The following PCSK6 variants were observed in gnomAD, a reference collection of about 807,000 sequenced individuals.
The protein encoded by PCSK6 is paired basic amino acid cleaving enzyme 4.
A neutral mutation model predicts 123.3 loss-of-function variants in PCSK6; 85 were observed. That is an observed-to-expected ratio of 0.69 (90% confidence interval 0.58 to 0.83). The LOEUF is 0.83. Among genes scored for constraint, PCSK6 ranks in the 40% least tolerant of loss-of-function variants. PCSK6 has a pLI of 0.00. For missense variants in PCSK6, 1,191 were observed against 1,282.3 expected (o/e 0.93, Z 1.09); for synonymous variants, 508 against 516.0 (o/e 0.98, Z 0.21).
chr15:101,376,324 A>G (rs2041741334), intron 11 of PCSK6, among the ~76,000 whole-genome samples: 2 of 152,166 alleles, frequency 1.3e-5, no homozygotes, highest in Non-Finnish European at 2.9e-5. Flanking sequence ...AACACTGTCT[A>G]GTGTCAAACA....
chr15:101,350,691 G>A lies in PCSK6; in HGVS notation c.1858+15505C>T, dbSNP rs138077250. On this transcript the variant is annotated intron_variant, in intron 13 of 21. Coordinates refer to ENST00000611716, the MANE Select transcript of PCSK6 (RefSeq NM_002570.5). ...CGACGTATATTCCTGGGGAGGACTG[G>A]AGAGTGGCTGGCCCCCGCAAGCATA... 4.8e-3 allele frequency among the ~76,000 whole-genome samples: 734 copies of A among 152,332 alleles called. 5 individuals are homozygous for A. The highest frequency in any genetic ancestry group is 0.027 in the Middle Eastern group (8 of 294).
intron 2 of PCSK6, among the ~76,000 whole-genome samples, chr15:101,433,823 A>G (rs10468193): frequency 0.013 from 1,944 of 152,318 alleles, 50 homozygotes; most frequent in African/African-American, 0.045. Flanking sequence ...ACACAGCTCA[A>G]ATTTAGGGCT....
At chr15:101,470,519 T>C (rs1170461220) in intron 1 of PCSK6, among the ~76,000 whole-genome samples, 2 of 152,236 alleles carry the variant, frequency 1.3e-5, no homozygotes, top group African/African-American at 4.8e-5. Context: ...TTTTACCATT[T>C]TTCCCTATTT....
At chr15:101,347,653 T>C (rs749038891) in intron 13 of PCSK6, 2 of 1,584,650 alleles carry the variant, frequency 1.3e-6, no homozygotes, top group Non-Finnish European at 1.7e-6. Flanking sequence ...AGCTCTGGAC[T>C]TCCAAAGGCA....
intron 6 of PCSK6, among the ~76,000 whole-genome samples, chr15:101,402,112 G>A (rs1381167786): frequency 1.3e-5 from 2 of 149,296 alleles, no homozygotes; most frequent in Non-Finnish European, 3.0e-5. Context: ...CAGAAATAAT[G>A]CCACATATCT....
rs1448691836 is a variant in PCSK6 at position 101,398,209 on chromosome 15, ACTT to A, written c.996+192_996+194del. Among the ~76,000 whole-genome samples the A allele has an allele frequency of 1.3e-5, 2 of 152,048 alleles. No individual in the cohort carries two copies. Among genetic ancestry groups the A allele is most frequent in the African/African-American group, 2.4e-5 (1 of 41,466 alleles). Reference sequence around the variant, plus strand: ...AGCTGTTCTGGAACGAGGCAAAAACACTTCTGCTCTCGCCGGTCAAGAGCCACT... The same window carrying A: ...AGCTGTTCTGGAACGAGGCAAAAACACTGCTCTCGCCGGTCAAGAGCCACT... On this transcript the variant is annotated intron_variant, in intron 7 of 21. Coordinates refer to ENST00000611716, the MANE Select transcript of PCSK6 (RefSeq NM_002570.5). This position sits in a 1 kb window ranked among gnomAD's most constrained non-coding sequence, Gnocchi z 4.6.
intron 4 of PCSK6, among the ~76,000 whole-genome samples, chr15:101,430,825 T>TA (rs887110225): frequency 6.6e-6 from 1 of 152,234 alleles, no homozygotes; most frequent in African/African-American, 2.4e-5. Flanking sequence ...ATTTAGTCCT[T>TA]ACAATAACTC....
Position 101,305,159 on chromosome 15 carries a change from A to C in PCSK6, c.*99T>G. On this transcript the variant is annotated 3_prime_UTR_variant, in exon 22 of 22. Transcript: ENST00000611716. The surrounding 1 kb of genome is among the most constrained non-coding windows in gnomAD (Gnocchi z 4.8). ...CTGGGGAGATAAAGCTGTCAGGTGC[A>C]GGGCGCCGCTCCTGAAACAGACTCT... 1.0e-6 allele frequency: 1 copy of C among 974,718 alleles called. No individual in the cohort carries two copies. Among genetic ancestry groups the C allele is most frequent in the Non-Finnish European group, 1.6e-6 (1 of 638,718 alleles). 60.4% of individuals were successfully genotyped at this position (974,718 alleles called of 1,614,324 possible).
At chr15:101,449,425 T>C (rs1315343105) in intron 1 of PCSK6, among the ~76,000 whole-genome samples, 2 of 152,220 alleles carry the variant, frequency 1.3e-5, no homozygotes, top group African/African-American at 4.8e-5. Context: ...TGTGTGTATC[T>C]GTGCATATAC....
chr15:101,474,456 T>C (rs1002530940), intron 1 of PCSK6, among the ~76,000 whole-genome samples: 1 of 152,206 alleles, frequency 6.6e-6, no homozygotes, highest in Admixed American at 6.5e-5. Context: ...CCCATCTTTA[T>C]AACTTAGCAC....
chr15:101,315,351 TA>T (rs1025580797), intron 19 of PCSK6, among the ~76,000 whole-genome samples: 122 of 152,328 alleles, frequency 8.0e-4, no homozygotes, highest in African/African-American at 2.9e-3. Context: ...TCTCAACTAC[TA>T]AAAAATATGA....
intron 20 of PCSK6, among the ~76,000 whole-genome samples, chr15:101,312,747 G>A (rs964830412): frequency 6.6e-6 from 1 of 152,168 alleles, no homozygotes; most frequent in Non-Finnish European, 1.5e-5. Context: ...CAGGAGAATG[G>A]TGTGAATCTG....
chr15:101,428,401 G>A lies in PCSK6; in HGVS notation c.735-421C>T, dbSNP rs112912558. On this transcript the variant is annotated intron_variant, in intron 5 of 21. Coordinates refer to ENST00000611716, the MANE Select transcript of PCSK6 (RefSeq NM_002570.5). ...TGGCAGCAGGGACACCTGCTGCCTG[G>A]CAGGATGAAAGAAGGAACAGTCTGG... 4.3e-3 allele frequency among the ~76,000 whole-genome samples: 660 copies of A among 152,216 alleles called. 5 individuals are homozygous for A. Among genetic ancestry groups the A allele is most frequent in the African/African-American group, 0.014 (601 of 41,536 alleles).
chr15:101,413,024 G>GAGT (rs1555456846), intron 6 of PCSK6, among the ~76,000 whole-genome samples: 25 of 148,004 alleles, frequency 1.7e-4, no homozygotes, highest in African/African-American at 3.5e-4. Flanking sequence ...GGAGGAGGAG[G>GAGT]AGGAGGAGGA....
intron 13 of PCSK6, among the ~76,000 whole-genome samples, chr15:101,363,634 CTT>C (rs35985370): frequency 7.1e-6 from 1 of 140,112 alleles, no homozygotes; most frequent in African/African-American, 2.8e-5. Context: ...TGTTATAACA[CTT>C]TTTTTTTTTT....
intron 20 of PCSK6, among the ~76,000 whole-genome samples, chr15:101,312,659 G>A (rs910317582): frequency 3.9e-5 from 6 of 152,002 alleles, no homozygotes; most frequent in Admixed American, 2.0e-4. Flanking sequence ...GGTGAAACCC[G>A]GTCTCTATTA....
At chr15:101,458,231 T>G (rs1160805543) in intron 1 of PCSK6, among the ~76,000 whole-genome samples, 4 of 152,216 alleles carry the variant, frequency 2.6e-5, no homozygotes, top group African/African-American at 4.8e-5. Context: ...ATTTCTAGGT[T>G]GGTGGGCACA....
At chr15:101,381,904 TAAG>T (rs2041918661) in intron 11 of PCSK6, among the ~76,000 whole-genome samples, 185 bp downstream of exon 11, 2 of 152,186 alleles carry the variant, frequency 1.3e-5, no homozygotes, top group African/African-American at 2.4e-5. Context: ...AGTGGTGGCT[TAAG>T]AAGTGATTCC....
intron 6 of PCSK6, among the ~76,000 whole-genome samples, chr15:101,407,640 C>A (rs1445346557): frequency 6.6e-6 from 1 of 152,190 alleles, no homozygotes; most frequent in Non-Finnish European, 1.5e-5. Flanking sequence ...TTCAGCCTAG[C>A]TGATTCTGAA....
Sources: gnomAD v4.1 joint callset for allele counts (sites outside exome capture counted in the v4.1 genomes callset) on GRCh38, gnomAD v4.1.1 for gene constraint, Gnocchi (gnomAD v3.1) non-coding constraint, MANE v1.5 for transcripts, NCBI Gene and HGNC (gene_info 2026-07-23, HGNC 2026-07-21) for gene names.